AOPEP: variants seen among roughly 807,000 people sequenced by gnomAD.
AOPEP encodes aminopeptidase O.
In AOPEP, 77 loss-of-function variants were observed where a neutral mutation model predicts 98.1. The ratio of observed to expected loss-of-function variants is 0.78; its 90% confidence interval spans 0.65 to 0.95. AOPEP has a LOEUF of 0.95. Ranked by LOEUF, AOPEP falls within the 40% of genes least tolerant of loss-of-function variation. AOPEP has a pLI of 0.00. For missense variants in AOPEP, 1,024 were observed against 1,024.7 expected (o/e 1.00, Z 0.01); for synonymous variants, 346 against 365.3 (o/e 0.95, Z 0.60).
intron 5 of AOPEP, among the ~76,000 whole-genome samples, chr9:94,885,992 T>C (rs572177804): frequency 1.3e-5 from 2 of 152,294 alleles, no homozygotes; most frequent in African/African-American, 2.4e-5. Context: ...TGACCCACCA[T>C]TGTAAAATCC....
chr9:94,983,889 C>A (rs2060349320), intron 11 of AOPEP, among the ~76,000 whole-genome samples: 1 of 146,914 alleles, frequency 6.8e-6, no homozygotes, highest in Admixed American at 6.9e-5. Context: ...TGTCTATAAG[C>A]CTCATCCTGT....
chr9:95,046,210 C>A (rs985710736), intron 13 of AOPEP, among the ~76,000 whole-genome samples: 1 of 152,214 alleles, frequency 6.6e-6, no homozygotes, highest in African/African-American at 2.4e-5. Flanking sequence ...AATGGAAATA[C>A]TCTCAAGACC....
chr9:94,787,873 CTGATTACT>C (rs1382698709), intron 3 of AOPEP, among the ~76,000 whole-genome samples: 1 of 152,068 alleles, frequency 6.6e-6, no homozygotes, highest in African/African-American at 2.4e-5. Context: ...CCTCTTTCGG[CTGATTACT>C]TGATATTTAC....
chr9:95,085,741 G>A (rs1359292008), intron 16 of AOPEP, among the ~76,000 whole-genome samples: 1 of 152,156 alleles, frequency 6.6e-6, no homozygotes, highest in Non-Finnish European at 1.5e-5. Context: ...TGCACTAATC[G>A]GACATCTGTC....
chr9:94,869,935 G>A (rs1054712838), intron 5 of AOPEP, among the ~76,000 whole-genome samples: 1 of 147,544 alleles, frequency 6.8e-6, no homozygotes, highest in Non-Finnish European at 1.5e-5. Context: ...TGGGCACTTC[G>A]TCCTCAGGCA....
chr9:94,829,323 A>G (rs910135701), intron 5 of AOPEP, among the ~76,000 whole-genome samples: 2 of 152,190 alleles, frequency 1.3e-5, no homozygotes, highest in African/African-American at 4.8e-5. Flanking sequence ...TTTATTTTCA[A>G]TGTGGAAAAA....
chr9:94,897,841 C>CTTT lies in AOPEP; in HGVS notation c.1365-26132_1365-26130dup, dbSNP rs11396643. Among the ~76,000 whole-genome samples the CTTT allele has an allele frequency of 4.2e-4, 59 of 139,602 alleles. 1 individual carries two copies. The highest frequency in any genetic ancestry group is 1.3e-3 in the East Asian group (6 of 4,742). The allele number at this position is 139,602 out of a possible 152,430, so 91.6% of individuals were successfully genotyped here. A position where few individuals can be genotyped will look rare whatever the true frequency, so the allele number is the denominator to read the frequency against. On this transcript the variant is annotated intron_variant, in intron 5 of 16. Transcript: ENST00000375315. ...ATTTACTGAAGTTTCAAAAGTATGCCTTTTTTTTTTTTTTTGGATACAGAG... is the reference window on the plus strand; with the variant it reads ...ATTTACTGAAGTTTCAAAAGTATGCCTTTTTTTTTTTTTTTTTTGGATACAGAG...
At chr9:95,069,686 C>T (rs971791792) in intron 14 of AOPEP, among the ~76,000 whole-genome samples, 2 of 152,234 alleles carry the variant, frequency 1.3e-5, no homozygotes, top group Non-Finnish European at 2.9e-5. Context: ...TTTTATCATA[C>T]TTGACGTTTG....
At chr9:94,863,844 G>A (rs909402632) in intron 5 of AOPEP, among the ~76,000 whole-genome samples, 5 of 152,208 alleles carry the variant, frequency 3.3e-5, no homozygotes, top group Non-Finnish European at 5.9e-5. Context: ...AAGAGTGAAA[G>A]GCCTGCACCA....
At chr9:95,056,499 C>T (rs2066834659) in intron 13 of AOPEP, 1 of 152,304 alleles carries the variant, frequency 6.6e-6, no homozygotes, top group Admixed American at 6.5e-5. Context: ...GTGGCGGAAC[C>T]TCAGTTGCGT....
the AOPEP span, among the ~76,000 whole-genome samples, chr9:95,138,201 G>A: frequency 6.6e-6 from 1 of 152,268 alleles, no homozygotes; most frequent in Non-Finnish European, 1.5e-5. Context: ...GGTAACACTT[G>A]AAGCCAGGGC....
chr9:95,145,790 A>G, the AOPEP span, among the ~76,000 whole-genome samples: 2 of 152,218 alleles, frequency 1.3e-5, no homozygotes, highest in Non-Finnish European at 2.9e-5. Flanking sequence ...ACTGTGCTCC[A>G]GAGGCACGCA....
intron 5 of AOPEP, among the ~76,000 whole-genome samples, chr9:94,826,215 G>A (rs1474355116): frequency 3.3e-5 from 5 of 152,140 alleles, no homozygotes; most frequent in African/African-American, 7.2e-5. Context: ...AAGCTGTTTC[G>A]TCCGCGGGCT....
chr9:94,863,392 T>G (rs571475039), intron 5 of AOPEP, among the ~76,000 whole-genome samples: 1 of 151,790 alleles, frequency 6.6e-6, no homozygotes, highest in East Asian at 1.9e-4. Flanking sequence ...GCCATTCTCC[T>G]GCCTCAGCCT....
chr9:95,011,462 A>G (rs540576449), intron 13 of AOPEP, among the ~76,000 whole-genome samples: 13 of 152,122 alleles, frequency 8.5e-5, no homozygotes, highest in Admixed American at 2.0e-4. Flanking sequence ...TCGGCCTCCC[A>G]AAGTGCTGGG....
intron 5 of AOPEP, among the ~76,000 whole-genome samples, chr9:94,827,137 C>G (rs915033822): frequency 6.6e-6 from 1 of 152,108 alleles, no homozygotes; most frequent in Non-Finnish European, 1.5e-5. Context: ...TGTGGCTTCT[C>G]GTTTAGGAGC....
intron 3 of AOPEP, among the ~76,000 whole-genome samples, chr9:94,790,198 C>A (rs1278460787): frequency 6.7e-6 from 1 of 148,346 alleles, no homozygotes; most frequent in Non-Finnish European, 1.5e-5. Flanking sequence ...TGTTGGAGAC[C>A]GAGTCTCACC....
At position 94,932,770 on chromosome 9, in the gene AOPEP, C is replaced by T. The variant is rs920409074; in HGVS notation, c.1661+4239C>T. Reference sequence around the variant, plus strand: ...AAGTGCTGGGATTATAGGCGTGAACCACTGCGCCCAGCCCAGATGTTTCTT... The same window carrying T: ...AAGTGCTGGGATTATAGGCGTGAACTACTGCGCCCAGCCCAGATGTTTCTT... On this transcript the variant is annotated intron_variant, in intron 7 of 16. Coordinates refer to ENST00000375315, the MANE Select transcript of AOPEP (RefSeq NM_001193329.3). 3.0e-6 allele frequency: 3 copies of T among 984,806 alleles called. No individual in the cohort carries two copies. The African/African-American group carries it at 5.2e-5, about 17-fold the overall frequency. 61.0% of individuals were successfully genotyped at this position (984,806 alleles called of 1,614,324 possible). A position where few individuals can be genotyped will look rare whatever the true frequency, so the allele number is the denominator to read the frequency against.
intron 5 of AOPEP, among the ~76,000 whole-genome samples, chr9:94,918,241 G>A (rs939583704): frequency 6.6e-6 from 1 of 152,170 alleles, no homozygotes; most frequent in African/African-American, 2.4e-5. Flanking sequence ...GAGGAAGTAG[G>A]CATTGCTCTT....
Sources: gnomAD v4.1 joint callset for allele counts (sites outside exome capture counted in the v4.1 genomes callset) on GRCh38, gnomAD v4.1.1 for gene constraint, MANE v1.5 for transcripts, NCBI Gene and HGNC (gene_info 2026-07-23, HGNC 2026-07-21) for gene names.